ESRRG: variants seen among roughly 807,000 people sequenced by gnomAD.
ESRRG encodes the protein estrogen-related receptor gamma.
In ESRRG, 13 loss-of-function variants were observed where a neutral mutation model predicts 44.0. The ratio of observed to expected loss-of-function variants is 0.30; its 90% CI spans 0.19 to 0.47. The LOEUF (loss-of-function observed/expected upper bound fraction) is 0.47. Ranked by LOEUF, ESRRG falls within the 20% of genes least tolerant of loss-of-function variation. The pLI, the probability that ESRRG is intolerant of heterozygous loss-of-function variation, is 1.00. For missense variants in ESRRG, 395 were observed against 580.6 expected (o/e 0.68, Z 3.29); for synonymous variants, 215 against 214.6 (o/e 1.00, Z -0.02).
chr1:216,756,083 G>C (rs2092425673), intron 2 of ESRRG, among the ~76,000 whole-genome samples: 1 of 151,958 alleles, frequency 6.6e-6, no homozygotes, highest in Admixed American at 6.6e-5. Context: ...CAGATCTTAA[G>C]GAAGCCTGTG....
At chr1:216,625,792 G>T (rs191286597) in intron 3 of ESRRG, among the ~76,000 whole-genome samples, 42 of 152,280 alleles carry the variant, frequency 2.8e-4, no homozygotes, top group African/African-American at 9.1e-4. Flanking sequence ...AGTGCTTAGA[G>T]GTGGACATGG....
At chr1:216,838,094 T>C (rs915249479) in intron 2 of ESRRG, among the ~76,000 whole-genome samples, 3 of 152,186 alleles carry the variant, frequency 2.0e-5, no homozygotes, top group African/African-American at 7.2e-5. Context: ...AAAGCCACCA[T>C]GACAGTTGAC....
chr1:216,538,894 A>C (rs995021859), intron 5 of ESRRG, among the ~76,000 whole-genome samples: 29 of 152,206 alleles, frequency 1.9e-4, no homozygotes, highest in African/African-American at 7.0e-4. Context: ...TATGCAGAAT[A>C]TTCATCGAAC....
chr1:216,654,262 A>G (rs1293235278), intron 2 of ESRRG, among the ~76,000 whole-genome samples: 3 of 152,166 alleles, frequency 2.0e-5, no homozygotes, highest in Non-Finnish European at 4.4e-5. Context: ...CACAGGATCA[A>G]GTGAGCTGCA....
chr1:217,036,806 G>A (rs935966778), intron 1 of ESRRG, among the ~76,000 whole-genome samples: 5 of 146,850 alleles, frequency 3.4e-5, no homozygotes, highest in African/African-American at 1.3e-4. Context: ...TTGTACCCCT[G>A]AACTTAAAAG....
At chr1:217,026,912 C>CACAGAG (rs1255637839) in intron 1 of ESRRG, among the ~76,000 whole-genome samples, 30 of 93,472 alleles carry the variant, frequency 3.2e-4, no homozygotes, top group South Asian at 2.9e-3. Flanking sequence ...CACACACACA[C>CACAGAG]AGAGAGAGAG....
chr1:217,068,725 T>G (rs989910772), intron 1 of ESRRG, among the ~76,000 whole-genome samples: 5 of 152,212 alleles, frequency 3.3e-5, no homozygotes, highest in African/African-American at 1.2e-4. Flanking sequence ...AACTATCATC[T>G]AATCAACAAG....
chr1:216,530,040 A>C (rs1022539116), intron 5 of ESRRG, among the ~76,000 whole-genome samples: 1 of 143,412 alleles, frequency 7.0e-6, no homozygotes, highest in Non-Finnish European at 1.5e-5. Flanking sequence ...TGAACACAGG[A>C]GGCAAATGTT....
rs10863282 is a variant in ESRRG at position 216,944,472 on chromosome 1, G to C, written c.-105-4799C>G. Among the ~76,000 whole-genome samples, 857 of 152,234 alleles carry C rather than the reference G, an allele frequency of 5.6e-3. 6 individuals are homozygous for C. Among genetic ancestry groups the C allele is most frequent in the African/African-American group, 0.02 (824 of 41,538 alleles). On this transcript the variant is annotated intron_variant, in intron 1 of 7. Coordinates refer to the ESRRG transcript ENST00000359162. ...AAGAAACAGGAAGGTTAATAAAGAA[G>C]GAGCACATGATCTCCATTCATTCAA...
chr1:216,619,327 A>G (rs1481173477), intron 3 of ESRRG, among the ~76,000 whole-genome samples: 2 of 152,234 alleles, frequency 1.3e-5, no homozygotes, highest in Non-Finnish European at 2.9e-5. Context: ...CCAGAAGTCT[A>G]TCTAAATAGG....
intron 5 of ESRRG, among the ~76,000 whole-genome samples, chr1:216,534,639 C>T (rs918937200): frequency 8.5e-5 from 13 of 152,048 alleles, no homozygotes; most frequent in Non-Finnish European, 1.8e-4. Flanking sequence ...TTCATGTAGC[C>T]GAATAACTGA....
At chr1:216,550,345 C>T (rs185922675) in intron 5 of ESRRG, among the ~76,000 whole-genome samples, 11 of 152,202 alleles carry the variant, frequency 7.2e-5, no homozygotes, top group Admixed American at 3.3e-4. Flanking sequence ...TCTTATTAGA[C>T]GGAGATTACT....
chr1:217,000,899 C>G (rs951146649), intron 1 of ESRRG, among the ~76,000 whole-genome samples: 2 of 152,226 alleles, frequency 1.3e-5, no homozygotes, highest in African/African-American at 2.4e-5. Context: ...GACAGATACA[C>G]TTTTCCATTC....
At chr1:216,564,660 T>G (rs1187665971) in intron 4 of ESRRG, among the ~76,000 whole-genome samples, 1 of 152,164 alleles carries the variant, frequency 6.6e-6, no homozygotes, top group Non-Finnish European at 1.5e-5. Context: ...AAAATTTTTA[T>G]AGCAAACAGA....
At chr1:216,934,235 A>G (rs369856289) in intron 2 of ESRRG, among the ~76,000 whole-genome samples, 1 of 152,122 alleles carries the variant, frequency 6.6e-6, no homozygotes, top group Non-Finnish European at 1.5e-5. Context: ...GGAGTTCAAG[A>G]CCAGTCTGGC....
At chr1:216,987,781 G>C (rs2075102229) in intron 1 of ESRRG, among the ~76,000 whole-genome samples, 1 of 152,074 alleles carries the variant, frequency 6.6e-6, no homozygotes, top group South Asian at 2.1e-4. Context: ...GGCATTCTCT[G>C]GCCACTATGA....
At chr1:216,650,564 G>T (rs1382850645) in intron 3 of ESRRG, among the ~76,000 whole-genome samples, 1 of 151,880 alleles carries the variant, frequency 6.6e-6, no homozygotes, top group African/African-American at 2.4e-5. Context: ...AAAAGATAAG[G>T]TTGGGAAAGA....
At chr1:216,732,190 A>T (rs1229320029) in intron 2 of ESRRG, among the ~76,000 whole-genome samples, 1 of 151,936 alleles carries the variant, frequency 6.6e-6, no homozygotes, top group African/African-American at 2.4e-5. Flanking sequence ...TTTTGCTATA[A>T]TTTAACATTA....
intron 2 of ESRRG, among the ~76,000 whole-genome samples, chr1:216,931,835 CA>C (rs56050369): frequency 0.39 from 50,795 of 130,872 alleles, 9,608 homozygotes; most frequent in Middle Eastern, 0.53. Context: ...TGAGAAACCA[CA>C]AAAAAAAAAA....
Sources: gnomAD v4.1 joint callset for allele counts (sites outside exome capture counted in the v4.1 genomes callset) on GRCh38, gnomAD v4.1.1 for gene constraint, MANE v1.5 for transcripts, NCBI Gene and HGNC (gene_info 2026-07-23, HGNC 2026-07-21) for gene names.